The following PDE4B variants were observed in gnomAD, a reference collection of about 807,000 sequenced individuals.
PDE4B encodes the protein phosphodiesterase 4B.
In PDE4B, 20 loss-of-function variants were observed where a neutral mutation model predicts 82.2. The ratio of observed to expected loss-of-function variants is 0.24; its 90% confidence interval spans 0.17 to 0.35. The LOEUF is 0.35. Ranked by LOEUF, PDE4B falls within the 10% of genes least tolerant of loss-of-function variation. The pLI is 1.00. For missense variants in PDE4B, 655 were observed against 907.2 expected (o/e 0.72, Z 3.57); for synonymous variants, 320 against 318.9 (o/e 1.00, Z -0.04).
chr1:66,084,706 G>A (rs1000215556), intron 3 of PDE4B, among the ~76,000 whole-genome samples: 1 of 152,084 alleles, frequency 6.6e-6, no homozygotes, highest in Admixed American at 6.6e-5. Context: ...GGTAGGTCTG[G>A]CCTGCTTTTA....
At chr1:65,853,073 G>A (rs956016219) in intron 1 of PDE4B, among the ~76,000 whole-genome samples, 4 of 151,922 alleles carry the variant, frequency 2.6e-5, no homozygotes, top group Non-Finnish European at 5.9e-5. Flanking sequence ...GTTATTAGGT[G>A]CATACAAATT....
intron 3 of PDE4B, among the ~76,000 whole-genome samples, chr1:66,225,095 C>A (rs112862008): frequency 1.3e-5 from 2 of 152,142 alleles, no homozygotes; most frequent in Non-Finnish European, 2.9e-5. Context: ...CATCTGTCTC[C>A]TCCCTCACCT....
chr1:66,137,753 G>A (rs1267632669), intron 3 of PDE4B, among the ~76,000 whole-genome samples: 1 of 152,048 alleles, frequency 6.6e-6, no homozygotes, highest in African/African-American at 2.4e-5. Context: ...ATAGAAAATT[G>A]CAAAAGGAGT....
At chr1:66,031,679 A>C (rs1653784540) in intron 3 of PDE4B, among the ~76,000 whole-genome samples, 1 of 152,114 alleles carries the variant, frequency 6.6e-6, no homozygotes, top group Non-Finnish European at 1.5e-5. Context: ...TTCTTGATGA[A>C]CCCCATATGG....
intron 3 of PDE4B, among the ~76,000 whole-genome samples, chr1:66,023,663 A>G (rs1237795112): frequency 1.3e-5 from 2 of 152,114 alleles, no homozygotes; most frequent in Non-Finnish European, 2.9e-5. Context: ...ACAAGGCAAA[A>G]TTTTTATTTT....
At chr1:65,838,338 T>C (rs1646165021) in intron 1 of PDE4B, among the ~76,000 whole-genome samples, 1 of 151,958 alleles carries the variant, frequency 6.6e-6, no homozygotes, top group African/African-American at 2.4e-5. Flanking sequence ...GGACAGAGAT[T>C]ATGTGGAAAT....
At chr1:66,166,690 T>A (rs1159179622) in intron 3 of PDE4B, among the ~76,000 whole-genome samples, 1 of 146,174 alleles carries the variant, frequency 6.8e-6, no homozygotes, top group East Asian at 2.0e-4. Context: ...GCTGAGATGG[T>A]GCCACTGCAC....
rs1341889750 is a variant in PDE4B, at chr1:66,354,666, G to A, written c.748-861G>A. Reference sequence around the variant, plus strand: ...TAGGCTTCTTGCAAGAATGGAGTGCGAAGATGGGCTTTGTTTGGCTTAGGA... The same window carrying A: ...TAGGCTTCTTGCAAGAATGGAGTGCAAAGATGGGCTTTGTTTGGCTTAGGA... On this transcript the variant is annotated intron_variant, in intron 8 of 16. Transcript: ENST00000341517. 5.7e-6 allele frequency: 8 copies of A among 1,402,074 alleles called. No homozygotes were observed. In the South Asian group the frequency reaches 9.8e-5, roughly 17 times the overall value. 86.9% of individuals were successfully genotyped at this position (1,402,074 alleles called of 1,614,324 possible).
At chr1:65,917,577 C>A (rs761198913) in intron 2 of PDE4B, among the ~76,000 whole-genome samples, 7 of 152,256 alleles carry the variant, frequency 4.6e-5, no homozygotes, top group Non-Finnish European at 8.8e-5. Context: ...CCTCCCACTC[C>A]CAACAATCTC....
At chr1:65,953,437 A>G (rs1188310373) in intron 3 of PDE4B, among the ~76,000 whole-genome samples, 1 of 152,060 alleles carries the variant, frequency 6.6e-6, no homozygotes, top group Non-Finnish European at 1.5e-5. Flanking sequence ...ATGAAATCAC[A>G]AGGGTCTTTA....
At chr1:66,040,966 C>G (rs146328487) in intron 3 of PDE4B, among the ~76,000 whole-genome samples, 75 of 151,938 alleles carry the variant, frequency 4.9e-4, no homozygotes, top group Admixed American at 3.5e-3. Flanking sequence ...AGCTTAGTGG[C>G]CCCATCTTTT....
At chr1:66,098,445 T>C (rs1025482929) in intron 3 of PDE4B, among the ~76,000 whole-genome samples, 3 of 152,296 alleles carry the variant, frequency 2.0e-5, no homozygotes, top group South Asian at 2.1e-4. Context: ...CATCATTTCA[T>C]AGATTTTCTA....
At chr1:66,224,150 G>A (rs74998009) in intron 3 of PDE4B, among the ~76,000 whole-genome samples, 1,885 of 147,146 alleles carry the variant, frequency 0.013, 26 homozygotes, top group Non-Finnish European at 0.023. Context: ...TCTTTCCAGC[G>A]CATCTCTTTC....
chr1:66,120,536 G>A (rs1261130451), intron 3 of PDE4B, among the ~76,000 whole-genome samples: 1 of 152,008 alleles, frequency 6.6e-6, no homozygotes, highest in Non-Finnish European at 1.5e-5. Flanking sequence ...GTACACAAAT[G>A]GGTTTTATTT....
At chr1:65,810,260 A>T (rs2101195433) in intron 1 of PDE4B, among the ~76,000 whole-genome samples, 1 of 152,354 alleles carries the variant, frequency 6.6e-6, no homozygotes, top group African/African-American at 2.4e-5. Flanking sequence ...TACCTTTATA[A>T]AGATTTTGTT....
chr1:65,983,509 T>C (rs1650796502), intron 3 of PDE4B, among the ~76,000 whole-genome samples: 2 of 152,140 alleles, frequency 1.3e-5, no homozygotes, highest in African/African-American at 4.8e-5. Flanking sequence ...GATTATAAAG[T>C]TAAAATAAGG....
At chr1:65,974,317 C>T (rs1281761683) in intron 3 of PDE4B, among the ~76,000 whole-genome samples, 1 of 152,154 alleles carries the variant, frequency 6.6e-6, no homozygotes, top group Non-Finnish European at 1.5e-5. Flanking sequence ...TGGATTGCTT[C>T]AACCTGATTC....
At chr1:65,807,339 C>T (rs369876332) in intron 1 of PDE4B, among the ~76,000 whole-genome samples, 5 of 152,188 alleles carry the variant, frequency 3.3e-5, no homozygotes, top group East Asian at 1.9e-4. Context: ...ATCGATTTCT[C>T]GCATCATTAT....
chr1:65,833,669 T>C (rs897246992), intron 1 of PDE4B, among the ~76,000 whole-genome samples: 1 of 152,186 alleles, frequency 6.6e-6, no homozygotes, highest in Non-Finnish European at 1.5e-5. Flanking sequence ...CCTCTTCTAT[T>C]ATTCTTTATC....
Sources: allele counts gnomAD v4.1 joint callset (sites outside exome capture counted in the v4.1 genomes callset), GRCh38; gene constraint gnomAD v4.1.1; transcripts MANE v1.5; gene names NCBI Gene and HGNC (gene_info 2026-07-23, HGNC 2026-07-21).